The following AKAP13 variants were observed in gnomAD, a reference collection of about 807,000 sequenced individuals.
AKAP13 encodes the protein A-kinase anchoring protein 13, also known as A-kinase anchor protein 13.
Under a neutral mutation model 264.5 loss-of-function variants are expected in AKAP13, and 80 were observed. The ratio of observed to expected loss-of-function variants is 0.30; its 90% confidence interval spans 0.25 to 0.36. AKAP13 has a LOEUF of 0.36. Ranked by LOEUF, AKAP13 falls within the 10% of genes least tolerant of loss-of-function variation. The pLI, the probability that AKAP13 is intolerant of heterozygous loss-of-function variation, is 1.00. For missense variants in AKAP13, 3,712 were observed against 3,435.2 expected, an observed-to-expected ratio of 1.08 and a Z score of -2.01; for synonymous variants, 1,380 against 1,250.2, an observed-to-expected ratio of 1.10 and a Z score of -2.19.
intron 3 of AKAP13, among the ~76,000 whole-genome samples, chr15:85,529,376 G>A (rs1478147886): frequency 6.6e-6 from 1 of 152,140 alleles, no homozygotes; most frequent in African/African-American, 2.4e-5. Context: ...AGCCGAGATC[G>A]TGCCACTGCA....
intron 1 of AKAP13, among the ~76,000 whole-genome samples, chr15:85,400,857 T>A (rs2071386561): frequency 1.2e-5 from 1 of 86,954 alleles, no homozygotes; most frequent in Non-Finnish European, 2.4e-5. Flanking sequence ...TATATATATA[T>A]GTATATATAT....
At chr15:85,493,906 A>G (rs1221258272) in intron 2 of AKAP13, among the ~76,000 whole-genome samples, 1 of 152,230 alleles carries the variant, frequency 6.6e-6, no homozygotes, top group African/African-American at 2.4e-5. Context: ...GTATCCACAA[A>G]GGCAGAGACA....
intron 1 of AKAP13, chr15:85,415,238 T>A: frequency 1.3e-6 from 2 of 1,560,182 alleles, no homozygotes; most frequent in Non-Finnish European, 1.7e-6. Context: ...TGGCCACAGT[T>A]CAGCAGCTGG....
chr15:85,386,873 T>C (rs2070591931), intron 1 of AKAP13, among the ~76,000 whole-genome samples: 1 of 152,210 alleles, frequency 6.6e-6, no homozygotes, highest in Non-Finnish European at 1.5e-5. Context: ...TGTTGATTAC[T>C]GTCACCTTAG....
At chr15:85,690,409 G>T (rs184393143) in intron 16 of AKAP13, among the ~76,000 whole-genome samples, 138 of 152,266 alleles carry the variant, frequency 9.1e-4, no homozygotes, top group Non-Finnish European at 1.7e-3. Context: ...TTAAAAGAAA[G>T]AAATTATTTG....
In AKAP13 at chr15:85,641,785, C is replaced by T. The variant is rs576245986; in HGVS notation, c.4237+2336C>T. The stretch of plus-strand genomic sequence containing the variant: ...GGGATTACAGGCATGAGCCACCGTG[C>T]CTGGCCAAGATACTGTCTTTTAAAA... On this transcript the variant is annotated intron_variant, in intron 9 of 36. Coordinates refer to ENST00000394518, the MANE Select transcript of AKAP13 (RefSeq NM_007200.5). Among the ~76,000 whole-genome samples, 5 of 152,176 alleles carry T rather than the reference C, an allele frequency of 3.3e-5. 1 individual carries two copies. In the South Asian group the frequency reaches 1.0e-3, roughly 32 times the overall value.
intron 5 of AKAP13, among the ~76,000 whole-genome samples, chr15:85,553,709 T>C (rs2078042791): frequency 6.6e-6 from 1 of 152,198 alleles, no homozygotes; most frequent in Non-Finnish European, 1.5e-5. Context: ...GGCTACAGAC[T>C]GGTACTGGTC....
chr15:85,465,702 A>C (rs545185801), intron 1 of AKAP13, among the ~76,000 whole-genome samples: 23 of 151,388 alleles, frequency 1.5e-4, no homozygotes, highest in African/African-American at 4.8e-4. Flanking sequence ...TTATGGCCGC[A>C]TAGTATTCTA....
chr15:85,659,956 G>A (rs1596949053), intron 12 of AKAP13, among the ~76,000 whole-genome samples: 1 of 152,104 alleles, frequency 6.6e-6, no homozygotes, highest in Non-Finnish European at 1.5e-5. Flanking sequence ...AGGAAATGAC[G>A]ATGCTTTCCA....
At chr15:85,451,567 G>A (rs942134929) in intron 1 of AKAP13, among the ~76,000 whole-genome samples, 1 of 152,206 alleles carries the variant, frequency 6.6e-6, no homozygotes, top group African/African-American at 2.4e-5. Flanking sequence ...GGCAGGTCTG[G>A]TGGTAATGAA....
intron 1 of AKAP13, among the ~76,000 whole-genome samples, chr15:85,412,826 T>C (rs2072043189): frequency 6.6e-6 from 1 of 152,166 alleles, no homozygotes; most frequent in Admixed American, 6.5e-5. Flanking sequence ...TAATGCTGAG[T>C]TATATTTATT....
intron 4 of AKAP13, chr15:85,536,994 C>T (rs2077422876): frequency 1.3e-5 from 2 of 152,018 alleles, no homozygotes; most frequent in African/African-American, 4.8e-5. Context: ...AATAAAATAA[C>T]AAAAGAAATT....
intron 17 of AKAP13, among the ~76,000 whole-genome samples, chr15:85,706,351 C>T (rs1329694255): frequency 1.3e-5 from 2 of 152,116 alleles, no homozygotes; most frequent in Non-Finnish European, 2.9e-5. Flanking sequence ...TAAATAAAGC[C>T]GTTTGCCTCG....
At position 85,727,553 on chromosome 15, in the gene AKAP13, C is replaced by G; in HGVS notation, c.7087+90C>G. ...TGGATTTTAGAGGTACGGGTTTGCC[C>G]TCAGTTCTAAAGCTGCCCCAGCAGG... On this transcript the variant is annotated intron_variant, in intron 29 of 36. Transcript: ENST00000394518. The surrounding 1 kb of genome is among the most constrained non-coding windows in gnomAD (Gnocchi z 5.3). 1 of 1,466,548 alleles carries G rather than the reference C, an allele frequency of 6.8e-7. No individual in the cohort carries two copies. The highest frequency in any genetic ancestry group is 9.4e-7 in the Non-Finnish European group (1 of 1,059,654). 90.8% of individuals were successfully genotyped at this position (1,466,548 alleles called of 1,614,324 possible).
At chr15:85,733,873 C>CTTTTTTTT (rs72092500) in intron 30 of AKAP13, among the ~76,000 whole-genome samples, 139 of 82,534 alleles carry the variant, frequency 1.7e-3, no homozygotes, top group African/African-American at 2.6e-3. Context: ...TCTTTCTTTT[C>CTTTTTTTT]TTTTTTTTTT....
chr15:85,638,757 C>G (rs1208723748), intron 8 of AKAP13, among the ~76,000 whole-genome samples: 1 of 104,222 alleles, frequency 9.6e-6, no homozygotes, highest in Non-Finnish European at 2.0e-5. Context: ...AGCAACCCCT[C>G]TGAGCCTGTT....
chr15:85,481,277 C>T (rs2075344108), intron 1 of AKAP13, among the ~76,000 whole-genome samples: 1 of 152,084 alleles, frequency 6.6e-6, no homozygotes, highest in African/African-American at 2.4e-5. Flanking sequence ...GCACACCCAG[C>T]GCTGGTACAT....
chr15:85,603,872 G>A (rs4843080), intron 8 of AKAP13, among the ~76,000 whole-genome samples: 87,192 of 151,922 alleles, frequency 0.57, 25,600 homozygotes, highest in Middle Eastern at 0.72. Flanking sequence ...CAGACCCAGT[G>A]GAATTGCAGT....
chr15:85,526,240 C>T (rs2077036314), intron 3 of AKAP13, among the ~76,000 whole-genome samples: 1 of 151,924 alleles, frequency 6.6e-6, no homozygotes, highest in South Asian at 2.1e-4. Context: ...TATGTTATGT[C>T]TTTCTTTTTC....
Sources: gnomAD v4.1 joint callset for allele counts (sites outside exome capture counted in the v4.1 genomes callset) on GRCh38, gnomAD v4.1.1 for gene constraint, Gnocchi (gnomAD v3.1) non-coding constraint, MANE v1.5 for transcripts, NCBI Gene and HGNC (gene_info 2026-07-23, HGNC 2026-07-21) for gene names.